Variants in NR1H4 observed in about 807,000 individuals in gnomAD.
NR1H4 encodes the protein nuclear receptor subfamily 1 group H member 4, also known as bile acid receptor.
A neutral mutation model predicts 58.5 loss-of-function variants in NR1H4; 23 were observed. The ratio of observed to expected loss-of-function variants is 0.39; its 90% CI spans 0.28 to 0.56. The LOEUF (loss-of-function observed/expected upper bound fraction) is 0.56, where lower values mean the gene tolerates loss of function less well. Among genes scored for constraint, NR1H4 ranks in the 20% least tolerant of loss-of-function variants. NR1H4 has a pLI of 0.58. For missense variants in NR1H4, 487 were observed against 576.9 expected, an observed-to-expected ratio of 0.84 and a Z score of 1.60; for synonymous variants, 214 against 198.0, an observed-to-expected ratio of 1.08 and a Z score of -0.68.
At chr12:100,551,079 C>T (rs1223530055) in intron 9 of NR1H4, among the ~76,000 whole-genome samples, 1 of 152,208 alleles carries the variant, frequency 6.6e-6, no homozygotes, top group Non-Finnish European at 1.5e-5. Flanking sequence ...TATGTGGCAT[C>T]TGTCACTCAC....
intron 9 of NR1H4, among the ~76,000 whole-genome samples, chr12:100,555,048 A>G (rs1464624997): frequency 6.6e-6 from 1 of 152,360 alleles, no homozygotes; most frequent in Non-Finnish European, 1.5e-5. Context: ...AAAAACTTTA[A>G]CCTTATTTTC....
At chr12:100,503,567 G>A in intron 3 of NR1H4, 2 of 1,419,818 alleles carry the variant, frequency 1.4e-6, no homozygotes, top group Non-Finnish European at 1.9e-6. Context: ...GGGGACTTTG[G>A]TTGGAGATGA....
At chr12:100,523,046 CT>C (rs1047374262) in intron 4 of NR1H4, among the ~76,000 whole-genome samples, 4 of 152,004 alleles carry the variant, frequency 2.6e-5, no homozygotes, top group South Asian at 4.1e-4. Flanking sequence ...TATCTAATTA[CT>C]TTTTTTCCTT....
At chr12:100,486,232 A>G (rs901955115) in intron 1 of NR1H4, among the ~76,000 whole-genome samples, 1 of 152,230 alleles carries the variant, frequency 6.6e-6, no homozygotes, top group Non-Finnish European at 1.5e-5. Context: ...TGATATTTAT[A>G]CTAGACCAAA....
At chr12:100,507,288 G>A (rs1370359720) in intron 3 of NR1H4, among the ~76,000 whole-genome samples, 1 of 151,906 alleles carries the variant, frequency 6.6e-6, no homozygotes, top group East Asian at 1.9e-4. Context: ...AATTTTCATC[G>A]TATTTGGTGA....
intron 1 of NR1H4, among the ~76,000 whole-genome samples, chr12:100,485,077 A>G (rs1287880426): frequency 6.6e-6 from 1 of 152,188 alleles, no homozygotes; most frequent in Admixed American, 6.5e-5. Flanking sequence ...TTAGAAGGAG[A>G]GCATTACAGG....
chr12:100,490,724 A>T (rs1229889398), intron 1 of NR1H4, among the ~76,000 whole-genome samples: 2 of 152,206 alleles, frequency 1.3e-5, no homozygotes, highest in Non-Finnish European at 2.9e-5. Flanking sequence ...TGATATGTAC[A>T]TGCTGAAATT....
At chr12:100,551,448 A>C (rs747103465) in intron 9 of NR1H4, among the ~76,000 whole-genome samples, 3 of 152,246 alleles carry the variant, frequency 2.0e-5, no homozygotes, top group African/African-American at 7.2e-5. Context: ...GAGGGGTTAG[A>C]AATGTAAAGA....
intron 1 of NR1H4, among the ~76,000 whole-genome samples, chr12:100,483,325 A>T (rs1953421312): frequency 6.6e-6 from 1 of 152,212 alleles, no homozygotes; most frequent in South Asian, 2.1e-4. Context: ...TTGATCATAG[A>T]TATGATCCAG....
chr12:100,504,620 A>C (rs1020907245), intron 3 of NR1H4, among the ~76,000 whole-genome samples: 5 of 152,238 alleles, frequency 3.3e-5, no homozygotes, highest in Non-Finnish European at 5.9e-5. Flanking sequence ...GGCACTATGC[A>C]GTTTCCATTC....
At chr12:100,531,863 G>A (rs1340557077) in intron 4 of NR1H4, among the ~76,000 whole-genome samples, 1 of 152,118 alleles carries the variant, frequency 6.6e-6, no homozygotes, top group Non-Finnish European at 1.5e-5. Flanking sequence ...TGCCAGGCTG[G>A]CATATAAAGT....
intron 4 of NR1H4, among the ~76,000 whole-genome samples, chr12:100,523,365 G>A (rs112628937): frequency 0.034 from 5,202 of 152,192 alleles, 255 homozygotes; most frequent in African/African-American, 0.11. Context: ...TTTGAGAAAT[G>A]TCTATTCATG....
At chr12:100,538,476 C>T (rs955745355) in intron 8 of NR1H4, among the ~76,000 whole-genome samples, 5 of 152,164 alleles carry the variant, frequency 3.3e-5, no homozygotes, top group African/African-American at 1.2e-4. Flanking sequence ...CTTATCCACA[C>T]TCATTCTGAT....
intron 1 of NR1H4, among the ~76,000 whole-genome samples, chr12:100,486,335 G>A (rs1286595165): frequency 3.3e-5 from 5 of 152,154 alleles, no homozygotes; most frequent in African/African-American, 9.7e-5. Flanking sequence ...AGAAGTTTAC[G>A]ATCTGGTGAT....
At chr12:100,488,112 T>C (rs951386611) in intron 1 of NR1H4, among the ~76,000 whole-genome samples, 14 of 152,204 alleles carry the variant, frequency 9.2e-5, no homozygotes, top group African/African-American at 3.4e-4. Flanking sequence ...GTGATTCTCC[T>C]GCCTCAGCCT....
chr12:100,563,762 G>C lies in NR1H4; in HGVS notation c.*273G>C, dbSNP rs1955525562. On this transcript the variant is annotated 3_prime_UTR_variant, in exon 11 of 11. Transcript: ENST00000392986. The stretch of plus-strand genomic sequence containing the variant: ...ATTGATTGTTACTTCAATTCTATCT[G>C]TTGAACTAGGGAAAATCTCATTTTG... 2.4e-6 allele frequency: 1 copy of C among 418,794 alleles called. No homozygotes were observed. The highest frequency in any genetic ancestry group is 2.0e-5 in the African/African-American group (1 of 50,300). The allele number at this position is 418,794 out of a possible 1,614,324, so 25.9% of individuals were successfully genotyped here. A position where few individuals can be genotyped will look rare whatever the true frequency, so the allele number is the denominator to read the frequency against.
Position 100,563,499 on chromosome 12 carries a change from C to G in NR1H4, c.*10C>G, listed in dbSNP as rs370114465. 2.5e-6 allele frequency: 4 copies of G among 1,597,848 alleles called. No individual in the cohort carries two copies. The highest frequency in any genetic ancestry group is 3.4e-6 in the Non-Finnish European group (4 of 1,165,230). On this transcript the variant is annotated 3_prime_UTR_variant, in exon 11 of 11. Transcript: ENST00000392986. ...CTGGGACGTGCAGTGATGGGGATTA[C>G]AGGGGAGGGGTCTAGCTCCTTTTTC...
chr12:100,511,204 C>T (rs1954105955), intron 4 of NR1H4, 61 bp downstream of exon 4: 2 of 1,608,362 alleles, frequency 1.2e-6, no homozygotes, highest in African/African-American at 1.3e-5. Flanking sequence ...TGTTGAAATC[C>T]CTTGAACTAA....
intron 1 of NR1H4, among the ~76,000 whole-genome samples, chr12:100,480,291 G>A (rs1347726070): frequency 6.6e-6 from 1 of 152,120 alleles, no homozygotes; most frequent in Non-Finnish European, 1.5e-5. Flanking sequence ...TATGTCTAGT[G>A]TCTGTCAATA....
Sources: allele counts gnomAD v4.1 joint callset (sites outside exome capture counted in the v4.1 genomes callset), GRCh38; gene constraint gnomAD v4.1.1; transcripts MANE v1.5; gene names NCBI Gene and HGNC (gene_info 2026-07-23, HGNC 2026-07-21).